The following CTCF variants were observed in gnomAD, a reference collection of about 807,000 sequenced individuals.
CTCF encodes CCCTC-binding factor.
A neutral mutation model predicts 72.3 loss-of-function variants in CTCF; 7 were observed. That is an observed-to-expected ratio of 0.10 (90% CI 0.06 to 0.18). The LOEUF (loss-of-function observed/expected upper bound fraction) is 0.18. CTCF is among the 10% of genes least tolerant of loss of function. The pLI, the probability that CTCF is intolerant of heterozygous loss-of-function variation, is 1.00. For missense variants in CTCF, 516 were observed against 949.1 expected (o/e 0.54, Z 6.00); for synonymous variants, 374 against 315.8 (o/e 1.18, Z -1.95).
intron 5 of CTCF, among the ~76,000 whole-genome samples, chr16:67,617,178 A>G (rs941140402): frequency 6.6e-6 from 1 of 151,880 alleles, no homozygotes; most frequent in African/African-American, 2.4e-5. Flanking sequence ...CTTGACCAAC[A>G]TGGAGAAACC....
intron 2 of CTCF, among the ~76,000 whole-genome samples, chr16:67,582,205 C>T (rs1413172023): frequency 1.8e-4 from 26 of 142,154 alleles, no homozygotes; most frequent in South Asian, 4.4e-4. Flanking sequence ...AGCAAGACTC[C>T]GTCTCAAAAA....
At position 67,630,910 on chromosome 16, in the gene CTCF, C is replaced by T. The variant is rs137932576; in HGVS notation, c.1837+1377C>T. ...CTGGCATCCAGGTGGGAAGGCACCTCTGTAACTAAAGACTTAAGGTATGGA... is the reference window on the plus strand; with the variant it reads ...CTGGCATCCAGGTGGGAAGGCACCTTTGTAACTAAAGACTTAAGGTATGGA... On this transcript the variant is annotated intron_variant, in intron 10 of 11. Transcript: ENST00000264010. Among the ~76,000 whole-genome samples the T allele has an allele frequency of 9.4e-4, 143 of 152,208 alleles. 1 individual carries two copies. Among genetic ancestry groups the T allele is most frequent in the African/African-American group, 3.0e-3 (123 of 41,540 alleles).
chr16:67,607,286 T>C (rs2051986923), intron 2 of CTCF, among the ~76,000 whole-genome samples: 1 of 151,760 alleles, frequency 6.6e-6, no homozygotes. Context: ...GGTAATGTCA[T>C]TCACAAGATT....
chr16:67,628,097 A>G (rs1459502463), intron 8 of CTCF, among the ~76,000 whole-genome samples: 1 of 152,106 alleles, frequency 6.6e-6, no homozygotes, highest in Non-Finnish European at 1.5e-5. Flanking sequence ...TCCGTCTCAA[A>G]AAAAAAACAA....
At chr16:67,576,523 A>T (rs1476287341) in intron 2 of CTCF, among the ~76,000 whole-genome samples, 1 of 151,494 alleles carries the variant, frequency 6.6e-6, no homozygotes, top group Non-Finnish European at 1.5e-5. Flanking sequence ...TGACTGGTTA[A>T]ATTATGATAC....
rs1259225491 is a variant in CTCF at position 67,639,083 on chromosome 16, C to CA, written c.*1212dup. On this transcript the variant is annotated 3_prime_UTR_variant, in exon 12 of 12. Transcript: ENST00000264010. ...ATTTTTCATTATTTTAGGACGCCAA[C>CA]ATGAGACCTGTAATAAAATATGTAA... The CA allele has an allele frequency of 5.0e-6, 1 of 201,156 alleles. No individual in the cohort carries two copies. The highest frequency in any genetic ancestry group is 1.0e-5 in the Non-Finnish European group (1 of 97,518). The allele number at this position is 201,156 out of a possible 1,614,324, so 12.5% of individuals were successfully genotyped here.
At chr16:67,580,297 A>G (rs1455735821) in intron 2 of CTCF, among the ~76,000 whole-genome samples, 1 of 152,054 alleles carries the variant, frequency 6.6e-6, no homozygotes, top group Non-Finnish European at 1.5e-5. Context: ...ATAACCTTGA[A>G]CTCCTGGCCT....
chr16:67,569,075 G>A (rs2051379477), intron 1 of CTCF, among the ~76,000 whole-genome samples: 1 of 151,596 alleles, frequency 6.6e-6, no homozygotes, highest in Non-Finnish European at 1.5e-5. Flanking sequence ...TCCTGACCTT[G>A]TGATCCGCCT....
At chr16:67,597,643 A>G (rs752731893) in intron 2 of CTCF, among the ~76,000 whole-genome samples, 10 of 152,166 alleles carry the variant, frequency 6.6e-5, no homozygotes, top group Non-Finnish European at 1.5e-4. Context: ...GGCCCTGCCA[A>G]TGCTTCTTTG....
chr16:67,616,927 T>G (rs375006810), intron 5 of CTCF, 49 bp downstream of exon 5: 216 of 1,588,758 alleles, frequency 1.4e-4, no homozygotes, highest in Non-Finnish European at 1.8e-4. Flanking sequence ...GACCATGATT[T>G]ATTTCAATAC....
chr16:67,580,318 T>A (rs2051561872), intron 2 of CTCF, among the ~76,000 whole-genome samples: 1 of 152,142 alleles, frequency 6.6e-6, no homozygotes, highest in Non-Finnish European at 1.5e-5. Flanking sequence ...TAAGTGATCA[T>A]CTGGCCTCAA....
intron 7 of CTCF, 75 bp from the exon 8 acceptor site, chr16:67,626,480 A>C: frequency 2.9e-5 from 21 of 728,330 alleles, no homozygotes; most frequent in South Asian, 7.3e-5. Context: ...AAAAGAATCG[A>C]GAAATGTATT....
chr16:67,583,901 A>T (rs911821726), intron 2 of CTCF, among the ~76,000 whole-genome samples: 4 of 152,126 alleles, frequency 2.6e-5, no homozygotes, highest in Non-Finnish European at 5.9e-5. Flanking sequence ...TGGACTGCAG[A>T]TGTAAATGCT....
At chr16:67,563,759 G>A (rs2142694268) in intron 1 of CTCF, 2 of 152,320 alleles carry the variant, frequency 1.3e-5, no homozygotes, top group South Asian at 4.1e-4. Context: ...GGGAGTATGG[G>A]CTAAGTCCCT....
intron 2 of CTCF, among the ~76,000 whole-genome samples, chr16:67,580,966 T>G (rs2051571976): frequency 6.6e-6 from 1 of 151,808 alleles, no homozygotes; most frequent in Non-Finnish European, 1.5e-5. Context: ...TCTCGCTCTT[T>G]CGCCCACGCG....
chr16:67,628,510 G>A lies in CTCF; in HGVS notation c.1659G>A (p.Ala553=), dbSNP rs749116676. 6.2e-6 allele frequency: 10 copies of A among 1,614,218 alleles called. No individual in the cohort carries two copies. Among genetic ancestry groups the A allele is most frequent in the African/African-American group, 1.3e-5 (1 of 75,052 alleles). Reference sequence around the variant, plus strand: ...ATCACGACCCCAACTTCGTCCCTGCGGCTTTTGTCTGTTCTAAGTGTGGGA... The same window carrying A: ...ATCACGACCCCAACTTCGTCCCTGCAGCTTTTGTCTGTTCTAAGTGTGGGA... ...KRYHDPNFVP[A]AFVCSKCGKT... Residue 553 remains alanine (A), a synonymous_variant, in exon 9 of 12, where the codon GCG becomes GCA. Coordinates refer to ENST00000264010, the MANE Select transcript of CTCF (RefSeq NM_006565.4).
intron 2 of CTCF, among the ~76,000 whole-genome samples, chr16:67,604,730 G>A (rs1472390064): frequency 8.1e-6 from 1 of 123,750 alleles, no homozygotes; most frequent in African/African-American, 3.4e-5. Context: ...TTTCACCAGG[G>A]TTTTTTTTTT....
chr16:67,571,428 C>T (rs527473113), intron 2 of CTCF, among the ~76,000 whole-genome samples, 164 bp downstream of exon 2: 56 of 152,264 alleles, frequency 3.7e-4, no homozygotes, highest in African/African-American at 1.3e-3. Flanking sequence ...AAACTCTTTA[C>T]GATGATATAC....
intron 7 of CTCF, among the ~76,000 whole-genome samples, chr16:67,626,276 A>G (rs2052285984): frequency 6.6e-6 from 1 of 151,062 alleles, no homozygotes; most frequent in Non-Finnish European, 1.5e-5. Flanking sequence ...TGTCTCTACT[A>G]AAAATACAAA....
Sources: gnomAD v4.1 joint callset for allele counts (sites outside exome capture counted in the v4.1 genomes callset) on GRCh38, gnomAD v4.1.1 for gene constraint, MANE v1.5 for transcripts, NCBI Gene and HGNC (gene_info 2026-07-23, HGNC 2026-07-21) for gene names.